VSTM4: variants seen among roughly 807,000 people sequenced by gnomAD.
VSTM4 encodes V-set and transmembrane domain-containing protein 4.
VSTM4 carries 20 observed loss-of-function variants against 36.4 expected under a neutral mutation model. The ratio of observed to expected loss-of-function variants is 0.55; its 90% CI spans 0.39 to 0.80. The LOEUF (loss-of-function observed/expected upper bound fraction) is 0.80, where lower values mean the gene tolerates loss of function less well. VSTM4 is among the 30% of genes least tolerant of loss of function. VSTM4 has a pLI of 0.00. For synonymous variants in VSTM4, 182 were observed against 173.9 expected, an observed-to-expected ratio of 1.05 and a Z score of -0.37; for missense variants, 392 against 404.5, an observed-to-expected ratio of 0.97 and a Z score of 0.26.
rs558397579 is a variant in VSTM4, at chr10:49,015,901, C to T, written c.*3749G>A. ...AGTGCCCCTCAGTCCTCCTCTGGTC[C>T]TGTTGGTGTCCCTCTCCAAATCTGA... On this transcript the variant is annotated 3_prime_UTR_variant, in exon 8 of 8. Coordinates refer to ENST00000332853, the MANE Select transcript of VSTM4 (RefSeq NM_001031746.5). 6.6e-6 allele frequency: 1 copy of T among 152,458 alleles called. No individual in the cohort carries two copies. Among genetic ancestry groups the T allele is most frequent in the South Asian group, 2.1e-4 (1 of 4,832 alleles). 9.4% of individuals were successfully genotyped at this position (152,458 alleles called of 1,614,324 possible).
intron 4 of VSTM4, among the ~76,000 whole-genome samples, chr10:49,071,017 G>T (rs921341985): frequency 6.6e-6 from 1 of 152,366 alleles, no homozygotes; most frequent in Admixed American, 6.5e-5. Flanking sequence ...TCTCTGGAAG[G>T]AACAGCCACA....
At chr10:49,109,427 C>T (rs1844852723) in intron 1 of VSTM4, among the ~76,000 whole-genome samples, 1 of 152,190 alleles carries the variant, frequency 6.6e-6, no homozygotes, top group Admixed American at 6.5e-5. Context: ...GGTCTTCCTC[C>T]TATACAGTTT....
chr10:49,062,484 A>G (rs988481563), intron 5 of VSTM4, among the ~76,000 whole-genome samples: 1 of 152,228 alleles, frequency 6.6e-6, no homozygotes, highest in African/African-American at 2.4e-5. Flanking sequence ...GTATTTAAAA[A>G]TGTGCCATTT....
intron 1 of VSTM4, among the ~76,000 whole-genome samples, chr10:49,114,523 A>G (rs1187305827): frequency 6.6e-6 from 1 of 152,086 alleles, no homozygotes; most frequent in Non-Finnish European, 1.5e-5. Context: ...TTCCTCATCT[A>G]TAAAATAGGG....
At chr10:49,101,518 T>C (rs1844665479) in intron 2 of VSTM4, among the ~76,000 whole-genome samples, 1 of 152,242 alleles carries the variant, frequency 6.6e-6, no homozygotes, top group Non-Finnish European at 1.5e-5. Context: ...AATTGCACTG[T>C]ATTGTATTGA....
chr10:49,058,664 C>T (rs1022982734), intron 5 of VSTM4, among the ~76,000 whole-genome samples: 1 of 152,190 alleles, frequency 6.6e-6, no homozygotes, highest in Admixed American at 6.5e-5. Context: ...TATTTTCCTT[C>T]CGTTTGAACT....
intron 3 of VSTM4, among the ~76,000 whole-genome samples, chr10:49,077,606 C>T (rs1844203420): frequency 6.6e-6 from 1 of 152,156 alleles, no homozygotes; most frequent in Non-Finnish European, 1.5e-5. Flanking sequence ...GTCAATGGGA[C>T]TTCCACTGGC....
At chr10:49,113,319 C>G (rs942142579) in intron 1 of VSTM4, among the ~76,000 whole-genome samples, 2 of 152,216 alleles carry the variant, frequency 1.3e-5, no homozygotes, top group African/African-American at 4.8e-5. Flanking sequence ...TGATGCCAGA[C>G]CTAGCCCATG....
intron 3 of VSTM4, among the ~76,000 whole-genome samples, chr10:49,083,437 G>A (rs1015824884): frequency 9.9e-5 from 15 of 152,174 alleles, no homozygotes; most frequent in Non-Finnish European, 1.8e-4. Flanking sequence ...GGGATCATGC[G>A]CCAGGGAGTT....
At chr10:49,110,928 T>C (rs1213816090) in intron 1 of VSTM4, among the ~76,000 whole-genome samples, 1 of 152,190 alleles carries the variant, frequency 6.6e-6, no homozygotes, top group East Asian at 1.9e-4. Flanking sequence ...ATTCCAGCCC[T>C]CTACCTGCAC....
chr10:49,103,630 G>A lies in VSTM4; in HGVS notation c.457+3964C>T, dbSNP rs888355909. ...TTATTTTTTAAATATATCATCGCAA[G>A]TCACCCTCCATGTGCTGGGCGAGGT... On this transcript the variant is annotated intron_variant, in intron 2 of 7. Transcript: ENST00000332853. 3.3e-6 allele frequency: 5 copies of A among 1,509,030 alleles called. No individual in the cohort carries two copies. In the African/African-American group the frequency reaches 7.0e-5, roughly 21 times the overall value. The allele number at this position is 1,509,030 out of a possible 1,614,324, so 93.5% of individuals were successfully genotyped here. A position where few individuals can be genotyped will look rare whatever the true frequency, so the allele number is the denominator to read the frequency against.
At position 49,018,573 on chromosome 10, in the gene VSTM4, C is replaced by A. The variant is rs564269324; in HGVS notation, c.*1077G>T. On this transcript the variant is annotated 3_prime_UTR_variant, in exon 8 of 8. Coordinates refer to ENST00000332853, the MANE Select transcript of VSTM4 (RefSeq NM_001031746.5). ...GAAATGTCCTCAATAACACAGTTGA[C>A]AGGATGGTGCTTTCAGAATGGATCC... 2.6e-5 allele frequency: 4 copies of A among 152,324 alleles called. No individual in the cohort carries two copies. The highest frequency in any genetic ancestry group is 2.0e-4 in the Admixed American group (3 of 15,302). 9.4% of individuals were successfully genotyped at this position (152,324 alleles called of 1,614,324 possible).
chr10:49,103,068 T>C (rs1256408141), intron 2 of VSTM4: 1 of 152,358 alleles, frequency 6.6e-6, no homozygotes, highest in South Asian at 2.1e-4. Flanking sequence ...ATTCACTTCT[T>C]GAAATTGTGT....
At chr10:49,093,742 CTTT>C (rs35299738) in intron 2 of VSTM4, among the ~76,000 whole-genome samples, 8 of 103,658 alleles carry the variant, frequency 7.7e-5, no homozygotes, top group South Asian at 7.8e-4. Context: ...CATAGTTACT[CTTT>C]TTTTTTTTTT....
chr10:49,098,809 T>A (rs1330729398), intron 2 of VSTM4, among the ~76,000 whole-genome samples: 1 of 152,246 alleles, frequency 6.6e-6, no homozygotes, highest in Non-Finnish European at 1.5e-5. Flanking sequence ...TGTTTGTGTG[T>A]CTGCCACCCC....
intron 1 of VSTM4, among the ~76,000 whole-genome samples, chr10:49,112,793 G>T (rs1844920750): frequency 6.6e-6 from 1 of 152,234 alleles, no homozygotes. Flanking sequence ...GATGTAGCTG[G>T]TTATGTTTGT....
intron 7 of VSTM4, among the ~76,000 whole-genome samples, chr10:49,046,286 C>A (rs1311431908): frequency 1.3e-5 from 2 of 152,148 alleles, no homozygotes; most frequent in Non-Finnish European, 2.9e-5. Context: ...TAAAAAATCA[C>A]TGGCCACTAC....
At chr10:49,078,448 A>G (rs1450306832) in intron 3 of VSTM4, among the ~76,000 whole-genome samples, 1 of 151,916 alleles carries the variant, frequency 6.6e-6, no homozygotes. Context: ...ACACCACAGC[A>G]TCCTCAGAAA....
At chr10:49,093,728 A>G (rs1156816252) in intron 2 of VSTM4, among the ~76,000 whole-genome samples, 1 of 149,256 alleles carries the variant, frequency 6.7e-6, no homozygotes, top group Non-Finnish European at 1.5e-5. Flanking sequence ...CCCATAGTTC[A>G]AGTCATAGTT....
Sources: allele counts gnomAD v4.1 joint callset (sites outside exome capture counted in the v4.1 genomes callset), GRCh38; gene constraint gnomAD v4.1.1; transcripts MANE v1.5; gene names NCBI Gene and HGNC (gene_info 2026-07-23, HGNC 2026-07-21).